Variants in PRKCH observed in about 807,000 individuals in gnomAD.
PRKCH encodes the protein protein kinase C eta.
Under a neutral mutation model 82.5 loss-of-function variants are expected in PRKCH, and 28 were observed. The observed-to-expected ratio is 0.34, with a 90% CI of 0.25 to 0.47. The LOEUF (loss-of-function observed/expected upper bound fraction) is 0.47. PRKCH is among the 20% of genes least tolerant of loss of function. The pLI is 1.00. For missense variants in PRKCH, 705 were observed against 881.8 expected, an observed-to-expected ratio of 0.80 and a Z score of 2.54; for synonymous variants, 322 against 327.4, an observed-to-expected ratio of 0.98 and a Z score of 0.18.
intron 12 of PRKCH, 101 bp downstream of exon 12, chr14:61,530,696 C>T (rs942448174): frequency 6.4e-6 from 7 of 1,096,106 alleles, no homozygotes; most frequent in African/African-American, 1.6e-5. Context: ...AAACCACTAG[C>T]TCTAACTAAA....
At chr14:61,306,047 T>C (rs1290787037) in intron 1 of PRKCH, 1 of 152,222 alleles carries the variant, frequency 6.6e-6, no homozygotes, top group Non-Finnish European at 1.5e-5. Flanking sequence ...TGTTATGTAT[T>C]ATTATTATTT....
Position 61,397,739 on chromosome 14 carries a change from AAGAAC to A in PRKCH, c.427+6458_427+6462del, listed in dbSNP as rs201114655. Among the ~76,000 whole-genome samples the A allele has an allele frequency of 2.9e-3, 441 of 152,366 alleles. 2 individuals carry two copies. The highest frequency in any genetic ancestry group is 0.01 in the African/African-American group (417 of 41,592). On this transcript the variant is annotated intron_variant, in intron 2 of 13. Coordinates refer to ENST00000332981, the MANE Select transcript of PRKCH (RefSeq NM_006255.5). Reference sequence around the variant, plus strand: ...AATGTTTGATAATGAAGTTAGAAGAAAGAACAGAACACAAAAGGCTTTGAAAAGTA... The same window carrying A: ...AATGTTTGATAATGAAGTTAGAAGAAAGAACACAAAAGGCTTTGAAAAGTA...
At chr14:61,328,826 A>G (rs1283667503) in intron 1 of PRKCH, among the ~76,000 whole-genome samples, 1 of 152,020 alleles carries the variant, frequency 6.6e-6, no homozygotes, top group Non-Finnish European at 1.5e-5. Context: ...CATCTCCACA[A>G]AAAAATAAAA....
chr14:61,510,369 G>T (rs1268861180), intron 10 of PRKCH, among the ~76,000 whole-genome samples: 1 of 152,062 alleles, frequency 6.6e-6, no homozygotes, highest in Admixed American at 6.5e-5. Flanking sequence ...TCATAGGTCA[G>T]GCAAGAAACA....
intron 2 of PRKCH, among the ~76,000 whole-genome samples, chr14:61,391,789 G>C (rs2046686792): frequency 6.6e-6 from 1 of 152,084 alleles, no homozygotes; most frequent in East Asian, 1.9e-4. Flanking sequence ...ATTTATATGG[G>C]GGTGAAATGA....
Position 61,260,527 on chromosome 14 carries a change from A to G in PRKCH, c.-19+72859A>G, listed in dbSNP as rs1043312159. ...TTTGTGAAATACCCTAGTTTCATCT[A>G]AACATATGCACACCTGTGAATTGTC... On this transcript the variant is annotated intron_variant, in intron 1 of 3. Coordinates refer to the PRKCH transcript ENST00000555185. Among the ~76,000 whole-genome samples, 7 of 152,360 alleles carry G rather than the reference A, an allele frequency of 4.6e-5. No homozygotes were observed. In the East Asian group the frequency reaches 1.3e-3, roughly 29 times the overall value.
At chr14:61,356,465 G>A (rs191424123) in intron 1 of PRKCH, among the ~76,000 whole-genome samples, 2 of 152,268 alleles carry the variant, frequency 1.3e-5, no homozygotes, top group Non-Finnish European at 2.9e-5. Flanking sequence ...TGAAATCTGA[G>A]AGCCAACAGA....
At chr14:61,465,775 T>C (rs924577179) in intron 9 of PRKCH, among the ~76,000 whole-genome samples, 7 of 152,174 alleles carry the variant, frequency 4.6e-5, no homozygotes, top group Non-Finnish European at 8.8e-5. Context: ...TTCAATAATA[T>C]ACTATTTGAT....
intron 10 of PRKCH, among the ~76,000 whole-genome samples, chr14:61,526,883 G>A (rs185696771): frequency 1.0e-3 from 158 of 152,362 alleles, no homozygotes; most frequent in African/African-American, 3.1e-3. Flanking sequence ...GTGACCTGCA[G>A]CCTCCTTGTC....
chr14:61,286,067 T>C (rs564909391), intron 1 of PRKCH, among the ~76,000 whole-genome samples: 1 of 152,380 alleles, frequency 6.6e-6, no homozygotes, highest in African/African-American at 2.4e-5. Context: ...CTTGTCTGGC[T>C]GTTCTCAGTT....
chr14:61,363,954 TTA>T (rs1212014014), intron 1 of PRKCH, among the ~76,000 whole-genome samples: 1 of 146,794 alleles, frequency 6.8e-6, no homozygotes, highest in African/African-American at 2.5e-5. Context: ...ATATAAAATT[TTA>T]TATATATACG....
chr14:61,437,877 A>G (rs1466615815), intron 2 of PRKCH, among the ~76,000 whole-genome samples: 1 of 152,014 alleles, frequency 6.6e-6, no homozygotes, highest in Non-Finnish European at 1.5e-5. Context: ...CAGGAGGATC[A>G]CTTGAGCCCG....
rs980896695 is a variant in PRKCH at position 61,343,714 on chromosome 14, T to G, written c.363+21250T>G. ...AAAGAGTAAAATTGGCTTAAAAATT[T>G]TAAGTACAAAGACATTTCAGAAGAG... On this transcript the variant is annotated intron_variant, in intron 1 of 13. Transcript: ENST00000332981. Among the ~76,000 whole-genome samples the G allele has an allele frequency of 2.0e-5, 3 of 152,240 alleles. 1 individual carries two copies. Among genetic ancestry groups the G allele is most frequent in the Non-Finnish European group, 4.4e-5 (3 of 68,044 alleles).
chr14:61,342,551 G>A (rs2045942025), intron 1 of PRKCH, among the ~76,000 whole-genome samples: 1 of 152,162 alleles, frequency 6.6e-6, no homozygotes, highest in Non-Finnish European at 1.5e-5. Context: ...TCATCACTAT[G>A]TTCTATGGGT....
intron 9 of PRKCH, among the ~76,000 whole-genome samples, chr14:61,478,214 C>T (rs1885816646): frequency 6.6e-6 from 1 of 152,210 alleles, no homozygotes; most frequent in Admixed American, 6.5e-5. Flanking sequence ...ATTTAATCCT[C>T]ACAAACCTGT....
intron 1 of PRKCH, among the ~76,000 whole-genome samples, chr14:61,192,441 CAT>C (rs2044412425): frequency 6.6e-6 from 1 of 152,178 alleles, no homozygotes; most frequent in Non-Finnish European, 1.5e-5. Flanking sequence ...CCTAGAATAA[CAT>C]ATGATCTGTA....
intron 2 of PRKCH, among the ~76,000 whole-genome samples, chr14:61,434,734 T>A (rs543917133): frequency 7.2e-5 from 11 of 152,256 alleles, no homozygotes; most frequent in Non-Finnish European, 1.0e-4. Context: ...AAAGCATATA[T>A]GGCATAGCTG....
intron 2 of PRKCH, among the ~76,000 whole-genome samples, chr14:61,426,672 G>T (rs1883125890): frequency 6.6e-6 from 1 of 152,188 alleles, no homozygotes; most frequent in African/African-American, 2.4e-5. Flanking sequence ...AATTTATACA[G>T]CTTTACATTA....
At chr14:61,419,195 A>G (rs949706961) in intron 2 of PRKCH, among the ~76,000 whole-genome samples, 1 of 152,232 alleles carries the variant, frequency 6.6e-6, no homozygotes, top group Non-Finnish European at 1.5e-5. Context: ...GTGAAAATCT[A>G]TGCTATTTTA....
Sources: gnomAD v4.1 joint callset for allele counts (sites outside exome capture counted in the v4.1 genomes callset) on GRCh38, gnomAD v4.1.1 for gene constraint, MANE v1.5 for transcripts, NCBI Gene and HGNC (gene_info 2026-07-23, HGNC 2026-07-21) for gene names.